Variants in CLSTN2 observed in about 807,000 individuals in gnomAD.
CLSTN2 encodes calsyntenin 2.
CLSTN2 carries 48 observed loss-of-function variants against 101.2 expected under a neutral mutation model. The observed-to-expected ratio is 0.47, with a 90% CI of 0.38 to 0.60. The LOEUF is 0.60. Ranked by LOEUF, CLSTN2 falls within the 20% of genes least tolerant of loss-of-function variation. The pLI, the probability that CLSTN2 is intolerant of heterozygous loss-of-function variation, is 0.00. For missense variants in CLSTN2, 1,160 were observed against 1,238.2 expected (o/e 0.94, Z 0.95); for synonymous variants, 481 against 463.6 (o/e 1.04, Z -0.48).
intron 1 of CLSTN2, among the ~76,000 whole-genome samples, chr3:140,124,007 C>T (rs2009389431): frequency 6.6e-6 from 1 of 152,018 alleles, no homozygotes; most frequent in African/African-American, 2.4e-5. Flanking sequence ...AAATTTGGGG[C>T]TGGCAGCACT....
intron 1 of CLSTN2, among the ~76,000 whole-genome samples, chr3:140,047,851 T>G (rs1388310749): frequency 6.6e-6 from 1 of 152,216 alleles, no homozygotes; most frequent in Non-Finnish European, 1.5e-5. Context: ...AATCACCTTT[T>G]AAAGGCCTCA....
intron 2 of CLSTN2, among the ~76,000 whole-genome samples, chr3:140,380,654 C>T (rs2087970174): frequency 6.6e-6 from 1 of 152,218 alleles, no homozygotes; most frequent in South Asian, 2.1e-4. Context: ...TTCTCTGCCT[C>T]ACTGACTGGG....
chr3:140,023,592 C>T (rs1378963510), intron 1 of CLSTN2, among the ~76,000 whole-genome samples: 1 of 152,142 alleles, frequency 6.6e-6, no homozygotes, highest in Non-Finnish European at 1.5e-5. Context: ...AGAAAGCAGA[C>T]TCCATTTGAT....
At chr3:140,000,127 G>T (rs1008380728) in intron 1 of CLSTN2, among the ~76,000 whole-genome samples, 8 of 151,508 alleles carry the variant, frequency 5.3e-5, no homozygotes, top group Non-Finnish European at 8.8e-5. Context: ...GCTAGCAATG[G>T]TTAACAACAT....
At chr3:140,259,828 T>C (rs1576488552) in intron 2 of CLSTN2, among the ~76,000 whole-genome samples, 1 of 152,204 alleles carries the variant, frequency 6.6e-6, no homozygotes, top group African/African-American at 2.4e-5. Context: ...AATTGATAAG[T>C]AATATTCCAT....
At chr3:140,083,204 C>T (rs768440013) in intron 1 of CLSTN2, among the ~76,000 whole-genome samples, 13 of 151,996 alleles carry the variant, frequency 8.6e-5, no homozygotes, top group South Asian at 2.1e-4. Flanking sequence ...TATTTAATGT[C>T]GTCTTCTCAA....
rs185661181 is a variant in CLSTN2, at chr3:140,398,362, T to G, written c.233-5267T>G. Among the ~76,000 whole-genome samples, 9 of 152,306 alleles carry G rather than the reference T, an allele frequency of 5.9e-5. No homozygotes were observed. In the East Asian group the frequency reaches 1.7e-3, roughly 29 times the overall value. On this transcript the variant is annotated intron_variant, in intron 2 of 16. Coordinates refer to ENST00000458420, the MANE Select transcript of CLSTN2 (RefSeq NM_022131.3). ...AGTCATTCTTAAGTGAAATTGGCTT[T>G]TTTCCCCTACATGTATGCTTTGATG...
intron 1 of CLSTN2, among the ~76,000 whole-genome samples, chr3:140,135,761 AT>A (rs1355736270): frequency 6.6e-6 from 1 of 152,198 alleles, no homozygotes; most frequent in South Asian, 2.1e-4. Flanking sequence ...CTCAACTATA[AT>A]TTTTTTGCAG....
chr3:140,532,257 G>C lies in CLSTN2; in HGVS notation c.1345-67G>C, dbSNP rs546421298. 5.1e-5 allele frequency: 70 copies of C among 1,369,436 alleles called. 1 individual carries two copies. The African/African-American group carries it at 7.6e-4, about 15-fold the overall frequency. The allele number at this position is 1,369,436 out of a possible 1,614,324, so 84.8% of individuals were successfully genotyped here. Reference sequence around the variant, plus strand: ...AAATGTGTTGTTCTCCTTTCATAGAGTAAAAGCCTGTTTGATGTTTTATTA... The same window carrying C: ...AAATGTGTTGTTCTCCTTTCATAGACTAAAAGCCTGTTTGATGTTTTATTA... On this transcript the variant is annotated intron_variant, in intron 8 of 16. Transcript: ENST00000458420.
chr3:140,537,609 T>C (rs1442735779), intron 9 of CLSTN2, among the ~76,000 whole-genome samples: 1 of 152,188 alleles, frequency 6.6e-6, no homozygotes, highest in Non-Finnish European at 1.5e-5. Context: ...CCCTCTCCCA[T>C]GGCTGAGCTC....
intron 5 of CLSTN2, among the ~76,000 whole-genome samples, chr3:140,439,649 C>T (rs1271937486): frequency 6.6e-6 from 1 of 152,190 alleles, no homozygotes; most frequent in Non-Finnish European, 1.5e-5. Context: ...TCAGGATTCA[C>T]ATTTGTCCAC....
intron 1 of CLSTN2, among the ~76,000 whole-genome samples, chr3:140,028,592 C>T (rs1386977778): frequency 6.6e-6 from 1 of 152,180 alleles, no homozygotes; most frequent in Admixed American, 6.5e-5. Context: ...ATGCATGTGA[C>T]TACAAGTGTG....
intron 2 of CLSTN2, among the ~76,000 whole-genome samples, chr3:140,376,317 G>T (rs967024817): frequency 6.6e-6 from 1 of 152,236 alleles, no homozygotes; most frequent in Non-Finnish European, 1.5e-5. Flanking sequence ...ACAGAGGGCA[G>T]TGAGAGGTAC....
rs1402235729 is a variant in CLSTN2 at position 140,241,874 on chromosome 3, T to TAC, written c.232+65802_232+65803insCA. 3.6e-3 allele frequency among the ~76,000 whole-genome samples: 219 copies of TAC among 60,022 alleles called. 1 individual carries two copies. Among genetic ancestry groups the TAC allele is most frequent in the African/African-American group, 0.011 (202 of 19,080 alleles). 39.4% of individuals were successfully genotyped at this position (60,022 alleles called of 152,430 possible). A position where few individuals can be genotyped will look rare whatever the true frequency, so the allele number is the denominator to read the frequency against. ...ATATATACACATATATATACACATA[T>TAC]ATATATACACACACACACACACACA... On this transcript the variant is annotated intron_variant, in intron 2 of 16. Coordinates refer to ENST00000458420, the MANE Select transcript of CLSTN2 (RefSeq NM_022131.3).
chr3:140,463,755 AT>A (rs1471488536), intron 7 of CLSTN2, among the ~76,000 whole-genome samples: 1 of 152,194 alleles, frequency 6.6e-6, no homozygotes, highest in Non-Finnish European at 1.5e-5. Flanking sequence ...CCCTGGTACA[AT>A]TTGGCAGAAC....
At chr3:140,354,686 G>T (rs977737120) in intron 2 of CLSTN2, among the ~76,000 whole-genome samples, 3 of 152,182 alleles carry the variant, frequency 2.0e-5, no homozygotes, top group Non-Finnish European at 2.9e-5. Context: ...TATCTGGAGT[G>T]AGCCTGGCTG....
At chr3:140,382,557 C>T (rs746047381) in intron 2 of CLSTN2, among the ~76,000 whole-genome samples, 2 of 152,174 alleles carry the variant, frequency 1.3e-5, no homozygotes, top group African/African-American at 2.4e-5. Flanking sequence ...TTGTTTGGGT[C>T]TGTGGGCTGT....
At chr3:139,980,389 A>G (rs1935893418) in intron 1 of CLSTN2, among the ~76,000 whole-genome samples, 1 of 151,790 alleles carries the variant, frequency 6.6e-6, no homozygotes, top group African/African-American at 2.4e-5. Context: ...TTGCTCTTTC[A>G]CTTCATTTAA....
At chr3:140,381,679 T>C (rs10454214) in intron 2 of CLSTN2, among the ~76,000 whole-genome samples, 16,315 of 152,214 alleles carry the variant, frequency 0.11, 1,177 homozygotes, top group East Asian at 0.23. Flanking sequence ...CTTGACTCCA[T>C]AGGGCAGAGG....
Sources: gnomAD v4.1 joint callset for allele counts (sites outside exome capture counted in the v4.1 genomes callset) on GRCh38, gnomAD v4.1.1 for gene constraint, MANE v1.5 for transcripts, NCBI Gene and HGNC (gene_info 2026-07-23, HGNC 2026-07-21) for gene names.